Variants in PHF24 observed in about 807,000 individuals in gnomAD.
PHF24 encodes PHD finger protein 24.
A neutral mutation model predicts 42.6 loss-of-function variants in PHF24; 25 were observed. The ratio of observed to expected loss-of-function variants is 0.59; its 90% CI spans 0.43 to 0.82. PHF24 has a LOEUF of 0.82. PHF24 is among the 40% of genes least tolerant of loss of function. The pLI is 0.00. For missense variants in PHF24, 470 were observed against 538.1 expected (o/e 0.87, Z 1.25); for synonymous variants, 185 against 204.8 (o/e 0.90, Z 0.83).
chr9:34,802,116 T>C, the PHF24 span, among the ~76,000 whole-genome samples: 1 of 151,954 alleles, frequency 6.6e-6, no homozygotes, highest in African/African-American at 2.4e-5. Flanking sequence ...GTTGAGAGAG[T>C]AGAATGGGTA....
the PHF24 span, chr9:34,723,050 G>C: frequency 1.4e-6 from 1 of 739,306 alleles, no homozygotes; most frequent in Non-Finnish European, 2.1e-6. Context: ...GACAGACAAT[G>C]TATTGCTGAG....
chr9:34,892,966 A>G, the PHF24 span: 33 of 698,392 alleles, frequency 4.7e-5, no homozygotes, highest in African/African-American at 5.6e-4. Flanking sequence ...TAAAAGACAC[A>G]CTAGATGTGG....
chr9:34,860,658 T>C, the PHF24 span, among the ~76,000 whole-genome samples: 3 of 151,768 alleles, frequency 2.0e-5, no homozygotes, highest in South Asian at 2.1e-4. Context: ...TCTGTAGTTA[T>C]TGATGACTCT....
chr9:34,860,842 A>G, the PHF24 span, among the ~76,000 whole-genome samples: 19 of 145,944 alleles, frequency 1.3e-4, no homozygotes, highest in African/African-American at 3.9e-4. Context: ...GTAAAGAACT[A>G]TAAAACTGGG....
the PHF24 span, chr9:34,917,574 T>C: frequency 1.3e-6 from 1 of 775,918 alleles, no homozygotes. Flanking sequence ...TGGTTTGGCA[T>C]GGAGCAGGAA....
the PHF24 span, chr9:34,922,291 A>G: frequency 6.3e-7 from 1 of 1,593,142 alleles, no homozygotes; most frequent in Non-Finnish European, 8.6e-7. Flanking sequence ...CTGTCTTTGG[A>G]TGACTCTTCA....
the PHF24 span, among the ~76,000 whole-genome samples, chr9:34,914,742 T>C: frequency 3.3e-5 from 5 of 152,104 alleles, no homozygotes; most frequent in Non-Finnish European, 7.4e-5. Context: ...CTAAATGCCT[T>C]CCTGTGATCA....
At chr9:34,857,407 C>G in the PHF24 span, among the ~76,000 whole-genome samples, 1 of 152,226 alleles carries the variant, frequency 6.6e-6, no homozygotes, top group Non-Finnish European at 1.5e-5. Context: ...CCACCTGGCT[C>G]TGTGCTTCAG....
the PHF24 span, among the ~76,000 whole-genome samples, chr9:34,769,929 G>GA: frequency 2.0e-5 from 3 of 151,962 alleles, no homozygotes; most frequent in East Asian, 1.9e-4. Context: ...GATTTAATTT[G>GA]AAAAAATCAT....
chr9:34,836,053 C>T, the PHF24 span: 2 of 605,328 alleles, frequency 3.3e-6, no homozygotes, highest in Non-Finnish European at 6.4e-6. Flanking sequence ...CCAGCCCTGG[C>T]TGGAAAGAGA....
chr9:34,733,163 C>T, the PHF24 span, among the ~76,000 whole-genome samples: 2 of 152,162 alleles, frequency 1.3e-5, no homozygotes, highest in Non-Finnish European at 2.9e-5. Context: ...GCCTCTCTTC[C>T]TATGCTTGTT....
At chr9:34,898,793 A>ACAT in the PHF24 span, among the ~76,000 whole-genome samples, 2 of 152,272 alleles carry the variant, frequency 1.3e-5, no homozygotes, top group African/African-American at 4.8e-5. Context: ...CAGAATCACC[A>ACAT]CATCTGCAAG....
chr9:34,668,102 G>A, the PHF24 span, among the ~76,000 whole-genome samples: 5 of 152,196 alleles, frequency 3.3e-5, no homozygotes, highest in African/African-American at 1.2e-4. Context: ...AAGAGGCAGA[G>A]TCCCCAGAGT....
At chr9:34,710,094 C>G in the PHF24 span, 1 of 1,606,380 alleles carries the variant, frequency 6.2e-7, no homozygotes, top group Non-Finnish European at 8.5e-7. Context: ...AGTAAGAGGC[C>G]AGAGCTGAGG....
the PHF24 span, among the ~76,000 whole-genome samples, chr9:34,738,851 G>T: frequency 1.3e-5 from 2 of 152,180 alleles, no homozygotes; most frequent in South Asian, 2.1e-4. Context: ...TATACCTAGA[G>T]CAGCCATTTG....
chr9:34,936,414 C>T, the PHF24 span, among the ~76,000 whole-genome samples: 5 of 152,186 alleles, frequency 3.3e-5, no homozygotes, highest in Non-Finnish European at 5.9e-5. Context: ...GATCTCGGCT[C>T]GCTACAACCT....
chr9:34,705,889 C>A, the PHF24 span, among the ~76,000 whole-genome samples: 1,583 of 152,186 alleles, frequency 0.01, 27 homozygotes, highest in Admixed American at 0.045. Flanking sequence ...TATAGTGAGA[C>A]CTGGTCTCCA....
chr9:34,911,764 C>T, the PHF24 span, among the ~76,000 whole-genome samples: 110,210 of 151,916 alleles, frequency 0.73, 40,257 homozygotes, highest in Middle Eastern at 0.79. Context: ...AGCCTATCTC[C>T]CCCACTGATT....
the PHF24 span, among the ~76,000 whole-genome samples, chr9:34,702,358 A>G: frequency 5.3e-5 from 8 of 152,192 alleles, no homozygotes; most frequent in Non-Finnish European, 8.8e-5. Flanking sequence ...CACACAGCGC[A>G]GGGGATACTC....
Sources: gnomAD v4.1 joint callset for allele counts (sites outside exome capture counted in the v4.1 genomes callset) on GRCh38, gnomAD v4.1.1 for gene constraint, MANE v1.5 for transcripts, NCBI Gene and HGNC (gene_info 2026-07-23, HGNC 2026-07-21) for gene names.